ZNF831: variants seen among roughly 807,000 people sequenced by gnomAD.
ZNF831 encodes zinc finger protein 831, also known as chromosome 20 open reading frame 174.
In ZNF831, 59 loss-of-function variants were observed where a neutral mutation model predicts 95.8. The ratio of observed to expected loss-of-function variants is 0.62; its 90% CI spans 0.50 to 0.77. The LOEUF (loss-of-function observed/expected upper bound fraction) is 0.77. ZNF831 is among the 30% of genes least tolerant of loss of function. The pLI, the probability that ZNF831 is intolerant of heterozygous loss-of-function variation, is 0.00. For synonymous variants in ZNF831, 961 were observed against 925.5 expected (o/e 1.04, Z -0.70); for missense variants, 2,205 against 2,164.0 (o/e 1.02, Z -0.38).
rs144055424 is a variant in ZNF831, at chr20:59,175,630, G to A, written c.-37+11423G>A. ...TTCTTTTATCTTCTATGTCTTTGCT[G>A]GGGCTTTCTATGTTTCCTTTGTTTC... On this transcript the variant is annotated intron_variant, in intron 1 of 5. Transcript: ENST00000371030. Among the ~76,000 whole-genome samples, 333 of 152,044 alleles carry A rather than the reference G, an allele frequency of 2.2e-3. 2 individuals are homozygous for A. Among genetic ancestry groups the A allele is most frequent in the African/African-American group, 7.3e-3 (303 of 41,456 alleles).
At chr20:59,245,794 C>G (rs1350692097) in intron 4 of ZNF831, among the ~76,000 whole-genome samples, 2 of 152,158 alleles carry the variant, frequency 1.3e-5, no homozygotes, top group African/African-American at 4.8e-5. Context: ...TTTAAAGTCA[C>G]TGAAATGTTT....
intron 4 of ZNF831, among the ~76,000 whole-genome samples, chr20:59,224,789 C>G (rs1355658161): frequency 1.3e-5 from 2 of 152,280 alleles, no homozygotes; most frequent in Admixed American, 1.3e-4. Flanking sequence ...TACTGAGAAC[C>G]AAAGACATGT....
At chr20:59,137,773 C>T (rs1026394755) in intron 1 of ZNF831, among the ~76,000 whole-genome samples, 5 of 152,194 alleles carry the variant, frequency 3.3e-5, no homozygotes, top group Non-Finnish European at 7.3e-5. Flanking sequence ...CCCATGTGTT[C>T]CCTGGGGCAC....
chr20:59,200,471 A>C (rs1195304718), intron 3 of ZNF831, among the ~76,000 whole-genome samples: 1 of 152,202 alleles, frequency 6.6e-6, no homozygotes, highest in Non-Finnish European at 1.5e-5. Flanking sequence ...AAGCTTTATT[A>C]AAGTATAATT....
intron 1 of ZNF831, among the ~76,000 whole-genome samples, chr20:59,165,568 C>T (rs2146481432): frequency 6.6e-6 from 1 of 152,286 alleles, no homozygotes; most frequent in East Asian, 1.9e-4. Flanking sequence ...ACTTTACCCA[C>T]CATGCTGCCT....
At chr20:59,138,130 GA>G (rs1979570243) in intron 1 of ZNF831, among the ~76,000 whole-genome samples, 1 of 152,148 alleles carries the variant, frequency 6.6e-6, no homozygotes, top group Non-Finnish European at 1.5e-5. Flanking sequence ...GAGCATTTTG[GA>G]AGACTAATTA....
At chr20:59,251,447 T>C (rs1987882890) in intron 4 of ZNF831, among the ~76,000 whole-genome samples, 1 of 152,260 alleles carries the variant, frequency 6.6e-6, no homozygotes. Flanking sequence ...ATTTCCGATT[T>C]TGAATGTCAT....
At chr20:59,161,189 T>G (rs2146472387), upstream of ZNF831, among the ~76,000 whole-genome samples, 1 of 152,320 alleles carries the variant, frequency 6.6e-6, no homozygotes, top group East Asian at 1.9e-4. Context: ...TTCACAAGGT[T>G]GTGCAACCAT....
In ZNF831 at chr20:59,191,178, G is replaced by T; in HGVS notation, c.159G>T (p.Val53=). ...AGCAGGGCCTGGCCCCCCCCACTGT[G>T]TTCCTGAAGGCCCTGCCCATCCCAC... is the stretch of plus-strand genomic sequence containing the variant. ...PPEQGLAPPT[V]FLKALPIPLY... The change falls in exon 2 of 6, where the codon GTG becomes GTT. Residue 53 remains valine (V), a synonymous_variant. Transcript: ENST00000371030. The T allele has an allele frequency of 6.3e-7, 1 of 1,599,964 alleles. No individual in the cohort carries two copies. The highest frequency in any genetic ancestry group is 8.5e-7 in the Non-Finnish European group (1 of 1,176,080).
chr20:59,239,618 C>T (rs1987205055), intron 4 of ZNF831, among the ~76,000 whole-genome samples: 3 of 147,908 alleles, frequency 2.0e-5, no homozygotes, highest in African/African-American at 7.5e-5. Flanking sequence ...GACCTTGGCT[C>T]ACTGCAACCT....
At chr20:59,132,493 C>A (rs1433067837) in intron 1 of ZNF831, among the ~76,000 whole-genome samples, 1 of 152,184 alleles carries the variant, frequency 6.6e-6, no homozygotes, top group Non-Finnish European at 1.5e-5. Flanking sequence ...TGCAGCCTTG[C>A]CAAGCCCAGC....
chr20:59,192,858 G>A lies in ZNF831; in HGVS notation c.1839G>A (p.Lys613=), dbSNP rs2146573174. Reference sequence around the variant, plus strand: ...GGAAGTGCGGCCAGAGAAGGCTGAAGATGTTCTCCCAGGAGAAGTGGCAGG... The same window carrying A: ...GGAAGTGCGGCCAGAGAAGGCTGAAAATGTTCTCCCAGGAGAAGTGGCAGG... ...GGRKCGQRRL[K]MFSQEKWQVY... Residue 613 remains lysine, a synonymous_variant, in exon 2 of 6, where the codon AAG becomes AAA. Coordinates refer to ENST00000371030, the MANE Select transcript of ZNF831 (RefSeq NM_178457.3). This position sits in a 1 kb window ranked among gnomAD's most constrained non-coding sequence, Gnocchi z 5.2. 5 of 1,603,170 alleles carry A rather than the reference G, an allele frequency of 3.1e-6. No individual in the cohort carries two copies. Among genetic ancestry groups the A allele is most frequent in the Non-Finnish European group, 4.3e-6 (5 of 1,174,912 alleles).
intron 2 of ZNF831, among the ~76,000 whole-genome samples, chr20:59,195,305 C>A (rs928335977): frequency 2.0e-5 from 3 of 152,330 alleles, no homozygotes; most frequent in African/African-American, 7.2e-5. Context: ...AGAGCTCCAC[C>A]TTGAGAGGGG....
At chr20:59,155,879 C>T (rs1336330123) in intron 2 of ZNF831, among the ~76,000 whole-genome samples, 1 of 152,094 alleles carries the variant, frequency 6.6e-6, no homozygotes, top group Non-Finnish European at 1.5e-5. Flanking sequence ...CAGAAAGCCC[C>T]TCCTAGAGAG....
At chr20:59,187,666 C>T (rs187064104) in intron 1 of ZNF831, among the ~76,000 whole-genome samples, 41 of 152,254 alleles carry the variant, frequency 2.7e-4, no homozygotes, top group Admixed American at 4.6e-4. Flanking sequence ...ATTAAATTCA[C>T]CATTTTAACT....
intron 1 of ZNF831, among the ~76,000 whole-genome samples, chr20:59,185,952 T>A (rs1163095840): frequency 6.6e-6 from 1 of 152,148 alleles, no homozygotes; most frequent in Non-Finnish European, 1.5e-5. Context: ...CGACTCAGCA[T>A]TTAAGAGCCA....
chr20:59,245,282 T>G (rs1217423962), intron 4 of ZNF831, among the ~76,000 whole-genome samples: 1 of 152,236 alleles, frequency 6.6e-6, no homozygotes, highest in Admixed American at 6.5e-5. Context: ...AAATACAGAT[T>G]TTGATTTTTC....
intron 1 of ZNF831, among the ~76,000 whole-genome samples, chr20:59,185,141 C>G (rs1478739418): frequency 6.6e-6 from 1 of 152,192 alleles, no homozygotes; most frequent in Non-Finnish European, 1.5e-5. Flanking sequence ...GCTTCCCCAT[C>G]AGTCCAATGG....
rs1726032277 is a variant in ZNF831, at chr20:59,208,515, A to AT, written c.4027+1459_4027+1460insT. On this transcript the variant is annotated intron_variant, in intron 4 of 5. Transcript: ENST00000371030. The surrounding 1 kb of genome is among the most constrained non-coding windows in gnomAD (Gnocchi z 4.2). The stretch of plus-strand genomic sequence containing the variant: ...TCTCCTTAAGAGTTTTCCAATGTAT[A>AT]ACCCACAGCTGGGAATCCAGGTCCA... Among the ~76,000 whole-genome samples, 1 of 152,178 alleles carries AT rather than the reference A, an allele frequency of 6.6e-6. No individual in the cohort carries two copies. Among genetic ancestry groups the AT allele is most frequent in the South Asian group, 2.1e-4 (1 of 4,818 alleles).
Sources: allele counts gnomAD v4.1 joint callset (sites outside exome capture counted in the v4.1 genomes callset), GRCh38; gene constraint gnomAD v4.1.1; non-coding constraint Gnocchi (gnomAD v3.1); transcripts MANE v1.5; gene names NCBI Gene and HGNC (gene_info 2026-07-23, HGNC 2026-07-21).